NEDD4L: variants seen among roughly 807,000 people sequenced by gnomAD.
NEDD4L encodes the protein E3 ubiquitin-protein ligase NEDD4-like.
In NEDD4L, 54 loss-of-function variants were observed where a neutral mutation model predicts 148.9. The ratio of observed to expected loss-of-function variants is 0.36; its 90% CI spans 0.29 to 0.45. NEDD4L has a LOEUF of 0.45. NEDD4L is among the 20% of genes least tolerant of loss of function. The pLI is 1.00. For missense variants in NEDD4L, 856 were observed against 1,233.8 expected, an observed-to-expected ratio of 0.69 and a Z score of 4.59; for synonymous variants, 433 against 440.7, an observed-to-expected ratio of 0.98 and a Z score of 0.22.
chr18:58,080,237 A>G (rs991866512), intron 1 of NEDD4L, among the ~76,000 whole-genome samples: 2 of 152,206 alleles, frequency 1.3e-5, no homozygotes, highest in Non-Finnish European at 2.9e-5. Context: ...GATTCTCTGT[A>G]GATGGGGAGC....
intron 24 of NEDD4L, among the ~76,000 whole-genome samples, chr18:58,378,423 G>C (rs1472807977): frequency 6.6e-6 from 1 of 152,248 alleles, no homozygotes; most frequent in African/African-American, 2.4e-5. Flanking sequence ...AGAGGGCAGA[G>C]CATGTCCTGG....
At chr18:58,101,986 C>G (rs1377290035) in intron 1 of NEDD4L, among the ~76,000 whole-genome samples, 2 of 152,182 alleles carry the variant, frequency 1.3e-5, no homozygotes, top group Non-Finnish European at 2.9e-5. Flanking sequence ...TACCAAGAAG[C>G]TTTACCAGCA....
chr18:58,233,171 C>G (rs1270261212), intron 2 of NEDD4L, among the ~76,000 whole-genome samples: 3 of 152,184 alleles, frequency 2.0e-5, no homozygotes, highest in African/African-American at 7.2e-5. Context: ...ATGGGCCCTG[C>G]CCCATCCCCT....
At chr18:58,338,478 C>T (rs528313812) in intron 13 of NEDD4L, among the ~76,000 whole-genome samples, 1 of 152,348 alleles carries the variant, frequency 6.6e-6, no homozygotes, top group South Asian at 2.1e-4. Context: ...AAATTGCCCT[C>T]TCACATAAAT....
chr18:58,221,412 TGA>T (rs2043754195), intron 2 of NEDD4L: 1 of 257,766 alleles, frequency 3.9e-6, no homozygotes, highest in Non-Finnish European at 6.1e-6. Context: ...AGGCCCCGGG[TGA>T]TGATGTAAGC....
chr18:58,147,652 G>A (rs1171117796), intron 1 of NEDD4L, among the ~76,000 whole-genome samples: 7 of 152,156 alleles, frequency 4.6e-5, no homozygotes, highest in Non-Finnish European at 7.4e-5. Context: ...AAGAGGCATC[G>A]AAGTACACGC....
At chr18:58,362,640 AG>A (rs1447553143) in intron 19 of NEDD4L, among the ~76,000 whole-genome samples, 1 of 152,206 alleles carries the variant, frequency 6.6e-6, no homozygotes, top group Non-Finnish European at 1.5e-5. Flanking sequence ...ACAGCTTGTG[AG>A]CTCCAGGAGG....
intron 5 of NEDD4L, among the ~76,000 whole-genome samples, chr18:58,309,990 C>T (rs142941161): frequency 1.6e-4 from 24 of 152,352 alleles, no homozygotes; most frequent in African/African-American, 5.3e-4. Flanking sequence ...GCAATCCTTG[C>T]AAGCACAGTT....
chr18:58,284,513 GC>G (rs938228761), intron 5 of NEDD4L, among the ~76,000 whole-genome samples: 3 of 152,068 alleles, frequency 2.0e-5, no homozygotes, highest in African/African-American at 7.3e-5. Flanking sequence ...GAGACAAAAA[GC>G]TTTGTGGGGC....
At chr18:58,357,012 G>T (rs998177380) in intron 18 of NEDD4L, among the ~76,000 whole-genome samples, 182 bp from the exon 19 acceptor site, 1 of 152,048 alleles carries the variant, frequency 6.6e-6, no homozygotes, top group African/African-American at 2.4e-5. Context: ...TATGTGAGGG[G>T]GGTTGCCATA....
At chr18:58,142,039 T>C (rs9960869) in intron 1 of NEDD4L, among the ~76,000 whole-genome samples, 18,968 of 101,300 alleles carry the variant, frequency 0.19, 2,650 homozygotes, top group Middle Eastern at 0.22. Context: ...AAAATTTCTT[T>C]CTTTTTTTTT....
chr18:58,341,407 A>G (rs1383102362), intron 14 of NEDD4L, among the ~76,000 whole-genome samples: 1 of 152,234 alleles, frequency 6.6e-6, no homozygotes, highest in African/African-American at 2.4e-5. Flanking sequence ...TTTCAAAGTA[A>G]GAGCCTATTG....
intron 5 of NEDD4L, among the ~76,000 whole-genome samples, chr18:58,277,559 CCTTCTCACCCTCTGGCT>C (rs1316896803): frequency 6.6e-6 from 1 of 151,964 alleles, no homozygotes; most frequent in Non-Finnish European, 1.5e-5. Context: ...TCATGGGTCA[CCTTCTCACCCTCTGGCT>C]TGCTTCTCAG....
chr18:58,044,464 G>A lies in NEDD4L; in HGVS notation c.-197G>A. Reference sequence around the variant, plus strand: ...GCCCGCTGGTCCCGCAGCCTTCCGGGAGGAAGCGGTGCCGGCAGCGTCCAG... The same window carrying A: ...GCCCGCTGGTCCCGCAGCCTTCCGGAAGGAAGCGGTGCCGGCAGCGTCCAG... On this transcript the variant is annotated 5_prime_UTR_variant, in exon 1 of 31. Coordinates refer to ENST00000400345, the MANE Select transcript of NEDD4L (RefSeq NM_001144967.3). 1.7e-6 allele frequency: 1 copy of A among 588,086 alleles called. No individual in the cohort carries two copies. The highest frequency in any genetic ancestry group is 1.9e-5 in the African/African-American group (1 of 51,382). The allele number at this position is 588,086 out of a possible 1,614,324, so 36.4% of individuals were successfully genotyped here.
chr18:58,260,401 A>G (rs375170181), intron 5 of NEDD4L, among the ~76,000 whole-genome samples: 1 of 152,226 alleles, frequency 6.6e-6, no homozygotes, highest in African/African-American at 2.4e-5. Flanking sequence ...TGACACCGAT[A>G]TGTTTGTAAA....
At chr18:58,244,987 C>T (rs1056082976) in intron 2 of NEDD4L, among the ~76,000 whole-genome samples, 2 of 152,142 alleles carry the variant, frequency 1.3e-5, no homozygotes, top group East Asian at 1.9e-4. Flanking sequence ...TGAGCCACCT[C>T]GCCCAGCCTT....
intron 5 of NEDD4L, among the ~76,000 whole-genome samples, chr18:58,291,556 C>T (rs1054921092): frequency 6.6e-6 from 1 of 152,164 alleles, no homozygotes; most frequent in Non-Finnish European, 1.5e-5. Context: ...ATAATTTAGT[C>T]TGGCTGATTC....
chr18:58,062,857 A>C (rs987126336), intron 1 of NEDD4L, among the ~76,000 whole-genome samples: 23 of 151,942 alleles, frequency 1.5e-4, no homozygotes, highest in Non-Finnish European at 1.3e-4. Flanking sequence ...GCCTTGTGAC[A>C]GGCGCCTGTA....
chr18:58,128,262 G>T (rs2031490491), intron 1 of NEDD4L, among the ~76,000 whole-genome samples: 1 of 152,100 alleles, frequency 6.6e-6, no homozygotes, highest in Admixed American at 6.5e-5. Context: ...GGCCAGGCTG[G>T]TCTCTAACTC....
Sources: gnomAD v4.1 joint callset for allele counts (sites outside exome capture counted in the v4.1 genomes callset) on GRCh38, gnomAD v4.1.1 for gene constraint, MANE v1.5 for transcripts, NCBI Gene and HGNC (gene_info 2026-07-23, HGNC 2026-07-21) for gene names.